Variants in METTL15 observed in about 807,000 individuals in gnomAD.
The protein encoded by METTL15 is methyltransferase 15, mitochondrial 12S rRNA N4-cytidine, also known as 12S rRNA N(4)-cytidine methyltransferase METTL15.
In METTL15, 34 loss-of-function variants were observed where a neutral mutation model predicts 38.3. That is an observed-to-expected ratio of 0.89 (90% CI 0.68 to 1.18). METTL15 has a LOEUF of 1.18. METTL15 is among the 50% of genes most tolerant of loss of function. METTL15 has a pLI of 0.00. For synonymous variants in METTL15, 162 were observed against 170.9 expected (o/e 0.95, Z 0.41); for missense variants, 438 against 498.4 (o/e 0.88, Z 1.15).
At chr11:28,504,321 T>C (rs182751285) in intron 6 of METTL15, among the ~76,000 whole-genome samples, 57 of 152,018 alleles carry the variant, frequency 3.7e-4, no homozygotes, top group African/African-American at 1.4e-3. Context: ...CTTGAGCTAG[T>C]AGGGCTGGGG....
intron 4 of METTL15, among the ~76,000 whole-genome samples, chr11:28,252,676 A>G (rs956423558): frequency 6.6e-6 from 1 of 152,110 alleles, no homozygotes; most frequent in Admixed American, 6.6e-5. Context: ...CTCCCCGTCT[A>G]TGGGAGCATC....
intron 6 of METTL15, among the ~76,000 whole-genome samples, chr11:28,321,767 G>A (rs1222553274): frequency 2.0e-5 from 3 of 151,934 alleles, no homozygotes; most frequent in African/African-American, 7.3e-5. Flanking sequence ...GAAGATGATG[G>A]GGAGAAGGTT....
chr11:28,237,835 G>T (rs905228626), intron 4 of METTL15, among the ~76,000 whole-genome samples: 2 of 152,188 alleles, frequency 1.3e-5, no homozygotes, highest in African/African-American at 4.8e-5. Flanking sequence ...AGGACCCTCA[G>T]CTGCAGGTCT....
At chr11:28,233,435 C>T (rs1044256283) in intron 4 of METTL15, among the ~76,000 whole-genome samples, 3 of 151,656 alleles carry the variant, frequency 2.0e-5, no homozygotes, top group African/African-American at 7.3e-5. Flanking sequence ...TATGTAACAT[C>T]TAAATACTCA....
intron 4 of METTL15, among the ~76,000 whole-genome samples, chr11:28,224,092 T>C (rs1462762490): frequency 6.6e-6 from 1 of 152,038 alleles, no homozygotes; most frequent in African/African-American, 2.4e-5. Context: ...GGGGTAAATT[T>C]ATAATATGAA....
intron 6 of METTL15, among the ~76,000 whole-genome samples, chr11:28,455,924 T>C (rs1427212511): frequency 6.6e-6 from 1 of 152,138 alleles, no homozygotes; most frequent in African/African-American, 2.4e-5. Context: ...GCCAGGATGG[T>C]CTCAATCTCC....
intron 4 of METTL15, among the ~76,000 whole-genome samples, chr11:28,266,255 C>T (rs552687803): frequency 6.6e-6 from 1 of 152,234 alleles, no homozygotes; most frequent in South Asian, 2.1e-4. Flanking sequence ...AAGACACATG[C>T]ACATGTATGT....
intron 3 of METTL15, among the ~76,000 whole-genome samples, chr11:28,173,286 G>A (rs1850927302): frequency 6.6e-6 from 1 of 152,120 alleles, no homozygotes; most frequent in African/African-American, 2.4e-5. Context: ...ATTAGGGCAT[G>A]AGGGTGAAGC....
At position 28,384,335 on chromosome 11, in the gene METTL15, G is replaced by C. The variant is rs141491149; in HGVS notation, c.*358+22299G>C. 6.0e-5 allele frequency among the ~76,000 whole-genome samples: 9 copies of C among 150,440 alleles called. No individual in the cohort carries two copies. The East Asian group carries it at 1.6e-3, about 26-fold the overall frequency. On this transcript the variant is annotated intron_variant and NMD_transcript_variant, in intron 5 of 7. Transcript: ENST00000532947. ...CTTTCTTTTTTTTTTTTGAGACAAA[G>C]TGTCACTCTGTCACCCAAGCTGGAG... is the stretch of plus-strand genomic sequence containing the variant.
intron 3 of METTL15, among the ~76,000 whole-genome samples, chr11:28,161,798 A>G (rs1043353724): frequency 1.3e-5 from 2 of 152,136 alleles, no homozygotes; most frequent in Non-Finnish European, 2.9e-5. Flanking sequence ...TCTTTTGAAT[A>G]TGTGCTGTTG....
At chr11:28,318,483 A>G (rs1340620493) in intron 6 of METTL15, among the ~76,000 whole-genome samples, 3 of 152,236 alleles carry the variant, frequency 2.0e-5, no homozygotes, top group Admixed American at 2.0e-4. Flanking sequence ...CGGTATGTGC[A>G]GAAGCACAGA....
chr11:28,303,519 G>A (rs1297544826), intron 6 of METTL15, among the ~76,000 whole-genome samples: 3 of 152,016 alleles, frequency 2.0e-5, no homozygotes, highest in Non-Finnish European at 2.9e-5. Flanking sequence ...GGTGACAGAA[G>A]GCTTATAATT....
At chr11:28,247,825 A>G (rs1442931993) in intron 4 of METTL15, among the ~76,000 whole-genome samples, 1 of 152,112 alleles carries the variant, frequency 6.6e-6, no homozygotes, top group Non-Finnish European at 1.5e-5. Flanking sequence ...CAAATCATTT[A>G]CTAACAAGTC....
intron 5 of METTL15, among the ~76,000 whole-genome samples, chr11:28,396,620 G>T: frequency 6.6e-6 from 1 of 152,122 alleles, no homozygotes; most frequent in East Asian, 1.9e-4. Context: ...AATATTCCAT[G>T]CTCATGGATA....
intron 3 of METTL15, among the ~76,000 whole-genome samples, chr11:28,120,058 TCTC>T (rs1274182145): frequency 6.6e-5 from 10 of 152,044 alleles, no homozygotes; most frequent in Admixed American, 4.6e-4. Context: ...TTCACACCAT[TCTC>T]CTGCCTCAGC....
intron 3 of METTL15, among the ~76,000 whole-genome samples, chr11:28,166,236 G>A (rs1368310376): frequency 6.6e-6 from 1 of 152,072 alleles, no homozygotes; most frequent in Non-Finnish European, 1.5e-5. Flanking sequence ...TGAGTCTGGT[G>A]GTATACTTAA....
intron 6 of METTL15, among the ~76,000 whole-genome samples, chr11:28,437,781 G>A (rs1850995876): frequency 6.6e-6 from 1 of 152,206 alleles, no homozygotes; most frequent in African/African-American, 2.4e-5. Context: ...AACTGCTAGA[G>A]GACATGGTTT....
chr11:28,229,258 A>C (rs1853595623), intron 4 of METTL15, among the ~76,000 whole-genome samples: 1 of 151,978 alleles, frequency 6.6e-6, no homozygotes, highest in South Asian at 2.1e-4. Context: ...ATACACCAAG[A>C]TGATGATTGG....
At chr11:28,321,031 A>G (rs908183569) in intron 6 of METTL15, among the ~76,000 whole-genome samples, 4 of 152,174 alleles carry the variant, frequency 2.6e-5, no homozygotes, top group African/African-American at 7.2e-5. Flanking sequence ...GGGGTTTTCA[A>G]TAGCCCTTTA....
Sources: gnomAD v4.1 joint callset for allele counts (sites outside exome capture counted in the v4.1 genomes callset) on GRCh38, gnomAD v4.1.1 for gene constraint, MANE v1.5 for transcripts, NCBI Gene and HGNC (gene_info 2026-07-23, HGNC 2026-07-21) for gene names.